Variants in SYTL2 observed in about 807,000 individuals in gnomAD.
SYTL2 encodes the protein synaptotagmin-like protein 2.
In SYTL2, 165 loss-of-function variants were observed where a neutral mutation model predicts 198.7. The observed-to-expected ratio is 0.83, with a 90% confidence interval of 0.73 to 0.94. SYTL2 has a LOEUF of 0.94. Among genes scored for constraint, SYTL2 ranks in the 40% least tolerant of loss-of-function variants. SYTL2 has a pLI of 0.00. For missense variants in SYTL2, 2,835 were observed against 2,582.8 expected, an observed-to-expected ratio of 1.10 and a Z score of -2.12; for synonymous variants, 966 against 917.7, an observed-to-expected ratio of 1.05 and a Z score of -0.95.
intron 1 of SYTL2, among the ~76,000 whole-genome samples, chr11:85,804,942 T>C (rs1032676333): frequency 6.6e-6 from 1 of 152,218 alleles, no homozygotes; most frequent in Non-Finnish European, 1.5e-5. Flanking sequence ...TCGTGAGTCC[T>C]TGGCTGGTAA....
At position 85,725,922 on chromosome 11, in the gene SYTL2, G is replaced by C; in HGVS notation, c.3436C>G (p.Pro1146Ala). 1 of 1,614,146 alleles carries C rather than the reference G, an allele frequency of 6.2e-7. No homozygotes were observed. Residue 1146 changes from proline to alanine, a missense_variant, in exon 8 of 20, where the codon CCA becomes GCA. Physicochemically the swap from Pro to Ala is conservative, Grantham distance 27 (BLOSUM62 -1). Transcript: ENST00000359152. ...TTTCCACCAGAGGGTTGAATTGCTGGTGTTGAGGTTTCTGAAAGCAGTTTC... is the reference window on the plus strand; with the variant it reads ...TTTCCACCAGAGGGTTGAATTGCTGCTGTTGAGGTTTCTGAAAGCAGTTTC... ...LQKLLSETSTPAIQPSGGKVH... is the reference protein window; with the variant it reads ...LQKLLSETSTAAIQPSGGKVH...
intron 14 of SYTL2, 102 bp downstream of exon 14, chr11:85,709,229 C>T: frequency 8.8e-7 from 1 of 1,142,612 alleles, no homozygotes. Flanking sequence ...TTCCTCTTAA[C>T]ACATACCCTC....
chr11:85,751,957 A>C (rs1186536196), intron 2 of SYTL2, among the ~76,000 whole-genome samples: 4 of 152,158 alleles, frequency 2.6e-5, no homozygotes, highest in Admixed American at 2.6e-4. Context: ...GTCAATGTCA[A>C]CTCCTTTTCA....
chr11:85,761,900 C>G (rs771834801), intron 1 of SYTL2, among the ~76,000 whole-genome samples: 15 of 152,226 alleles, frequency 9.9e-5, no homozygotes, highest in Non-Finnish European at 1.5e-4. Flanking sequence ...TTCAAGTGAT[C>G]TGCCGGCCTC....
At chr11:85,830,120 T>C in the SYTL2 span, among the ~76,000 whole-genome samples, 1 of 152,172 alleles carries the variant, frequency 6.6e-6, no homozygotes, top group Non-Finnish European at 1.5e-5. Flanking sequence ...CAAACTTCAG[T>C]GTGTATCAAG....
chr11:85,822,104 C>A, the SYTL2 span, among the ~76,000 whole-genome samples: 1 of 152,178 alleles, frequency 6.6e-6, no homozygotes, highest in African/African-American at 2.4e-5. Context: ...GCAGGTGTTA[C>A]CACTCCCATT....
At chr11:85,799,089 C>A (rs560640209) in intron 1 of SYTL2, among the ~76,000 whole-genome samples, 1 of 152,318 alleles carries the variant, frequency 6.6e-6, no homozygotes, top group African/African-American at 2.4e-5. Flanking sequence ...TAATTGATAA[C>A]TGCCCATTGA....
upstream of SYTL2, among the ~76,000 whole-genome samples, chr11:85,815,567 C>T (rs929647158): frequency 6.6e-6 from 1 of 152,172 alleles, no homozygotes; most frequent in African/African-American, 2.4e-5. Context: ...TTTTTCAAAG[C>T]CCTTTCACTT....
intron 2 of SYTL2, among the ~76,000 whole-genome samples, chr11:85,753,969 G>T (rs938019366): frequency 6.6e-6 from 1 of 152,052 alleles, no homozygotes; most frequent in Non-Finnish European, 1.5e-5. Context: ...GGCAACAGTG[G>T]TGTATCCATT....
intron 3 of SYTL2, among the ~76,000 whole-genome samples, chr11:85,747,554 A>C (rs897152008): frequency 6.6e-6 from 1 of 151,972 alleles, no homozygotes; most frequent in Non-Finnish European, 1.5e-5. Context: ...CCCTCTTTTG[A>C]CTTTCACTTT....
At chr11:85,796,042 A>G (rs985953606) in intron 1 of SYTL2, among the ~76,000 whole-genome samples, 1 of 152,224 alleles carries the variant, frequency 6.6e-6, no homozygotes, top group Non-Finnish European at 1.5e-5. Context: ...CTCAGGTTAG[A>G]TTTAACCACT....
intron 1 of SYTL2, among the ~76,000 whole-genome samples, chr11:85,788,409 G>C (rs1471007237): frequency 6.6e-6 from 1 of 152,174 alleles, no homozygotes; most frequent in African/African-American, 2.4e-5. Context: ...TGCAGAGTTA[G>C]TGTCAGATCC....
chr11:85,737,717 G>T (rs2090463640), intron 4 of SYTL2, 61 bp from the exon 5 acceptor site: 6 of 1,408,156 alleles, frequency 4.3e-6, no homozygotes, highest in Non-Finnish European at 6.0e-6. Context: ...CATAAATTAT[G>T]CCTCTGAAGT....
chr11:85,696,077 T>C, intron 19 of SYTL2, 106 bp downstream of exon 19: 1 of 857,560 alleles, frequency 1.2e-6, no homozygotes, highest in Non-Finnish European at 1.9e-6. Flanking sequence ...ATATCTGTTT[T>C]CAGGATATCT....
At chr11:85,781,488 G>A (rs1333749357) in intron 1 of SYTL2, among the ~76,000 whole-genome samples, 1 of 152,046 alleles carries the variant, frequency 6.6e-6, no homozygotes, top group Non-Finnish European at 1.5e-5. Flanking sequence ...TTCAAAACCA[G>A]TTATGCCCTC....
intron 8 of SYTL2, among the ~76,000 whole-genome samples, chr11:85,722,160 T>C (rs980335756): frequency 6.6e-6 from 1 of 151,206 alleles, no homozygotes; most frequent in African/African-American, 2.4e-5. Flanking sequence ...CTCTGGGCTC[T>C]GTTTAGGTGA....
the SYTL2 span, among the ~76,000 whole-genome samples, chr11:85,817,517 T>C: frequency 6.6e-5 from 10 of 152,258 alleles, no homozygotes; most frequent in Admixed American, 5.9e-4. Context: ...TGTTTATTTT[T>C]ACTTTTTAGT....
the SYTL2 span, chr11:85,854,257 T>C: frequency 3.0e-5 from 4 of 133,244 alleles, no homozygotes; most frequent in Non-Finnish European, 6.3e-5. Context: ...CTGTTATTTC[T>C]AAGTGCTGAA....
chr11:85,726,938 T>C lies in SYTL2; in HGVS notation c.2420A>G (p.Lys807Arg). Residue 807 changes from lysine (K) to arginine (R), a missense_variant, in exon 8 of 20, where the codon AAG becomes AGG. Around this residue, in one of 3 missense-constraint regions of SYTL2, gnomAD observed 2,645 missense variants for 2,381.7 expected, o/e 1.11. Coordinates refer to ENST00000359152, the MANE Select transcript of SYTL2 (RefSeq NM_206927.4). ...SFWEGEKAGAKITHEKPTSSC... is the reference protein window; with the variant it reads ...SFWEGEKAGARITHEKPTSSC... ...AGATGTGGGTTTTTCATGAGTTATC[T>C]TAGCACCAGCTTTCTCTCCTTCCCA... The C allele has an allele frequency of 6.5e-7, 1 of 1,536,646 alleles. No individual in the cohort carries two copies. Among genetic ancestry groups the C allele is most frequent in the Non-Finnish European group, 8.7e-7 (1 of 1,146,982 alleles).
Sources: gnomAD v4.1 joint callset for allele counts (sites outside exome capture counted in the v4.1 genomes callset) on GRCh38, gnomAD v4.1.1 for gene constraint, gnomAD v4.1.1 regional missense constraint, MANE v1.5 for transcripts, NCBI Gene and HGNC (gene_info 2026-07-23, HGNC 2026-07-21) for gene names.